Variants in CHN2 observed in about 807,000 individuals in gnomAD.
CHN2 encodes beta-chimaerin.
In CHN2, 35 loss-of-function variants were observed where a neutral mutation model predicts 56.3. The observed-to-expected ratio is 0.62, with a 90% CI of 0.47 to 0.82. CHN2 has a LOEUF of 0.82. Among genes scored for constraint, CHN2 ranks in the 40% least tolerant of loss-of-function variants. The pLI is 0.00. For synonymous variants in CHN2, 210 were observed against 212.8 expected (o/e 0.99, Z 0.12); for missense variants, 491 against 580.5 (o/e 0.85, Z 1.58).
At chr7:29,180,514 C>T (rs1037476486) in intron 2 of CHN2, among the ~76,000 whole-genome samples, 7 of 150,300 alleles carry the variant, frequency 4.7e-5, no homozygotes, top group South Asian at 2.1e-4. Flanking sequence ...AGCGACAGAG[C>T]GACAGAGCAA....
upstream of CHN2, chr7:29,192,985 G>C (rs1783089491): frequency 6.6e-6 from 1 of 152,252 alleles, no homozygotes; most frequent in African/African-American, 2.4e-5. Context: ...CCAAGTGTGT[G>C]ATGGGTCACG....
At position 29,194,860 on chromosome 7, in the gene CHN2, G is replaced by C; in HGVS notation, c.-82G>C. On this transcript the variant is annotated 5_prime_UTR_variant, in exon 1 of 13. Transcript: ENST00000222792. ...TTTGCCATGGGCTGGGGGCCGCGGA[G>C]GCTGCGAGCGGCCGGGCGAGGGCAG... 1.6e-6 allele frequency: 2 copies of C among 1,279,002 alleles called. No homozygotes were observed. Among genetic ancestry groups the C allele is most frequent in the Non-Finnish European group, 2.0e-6 (2 of 994,484 alleles). The allele number at this position is 1,279,002 out of a possible 1,614,324, so 79.2% of individuals were successfully genotyped here.
chr7:29,228,435 G>C (rs1270424196), intron 1 of CHN2, among the ~76,000 whole-genome samples: 1 of 152,146 alleles, frequency 6.6e-6, no homozygotes, highest in Non-Finnish European at 1.5e-5. Flanking sequence ...TCCAGCATAC[G>C]CTGTCTAGGT....
intron 2 of CHN2, among the ~76,000 whole-genome samples, chr7:29,166,542 T>C (rs1383642276): frequency 6.6e-6 from 1 of 152,190 alleles, no homozygotes; most frequent in South Asian, 2.1e-4. Flanking sequence ...ATAACTTTAA[T>C]AGCTATTGAG....
intron 6 of CHN2, among the ~76,000 whole-genome samples, chr7:29,418,487 G>A (rs1804005740): frequency 6.6e-6 from 1 of 152,224 alleles, no homozygotes; most frequent in Non-Finnish European, 1.5e-5. Context: ...ATAGTTAGCT[G>A]AGCCCAGCAA....
At chr7:29,234,216 C>G (rs1362701648) in intron 1 of CHN2, among the ~76,000 whole-genome samples, 7 of 151,928 alleles carry the variant, frequency 4.6e-5, no homozygotes, top group African/African-American at 1.7e-4. Flanking sequence ...TTTAAGCCAC[C>G]AAGTATATGG....
intron 6 of CHN2, among the ~76,000 whole-genome samples, chr7:29,469,644 C>A (rs1785863829): frequency 6.6e-6 from 1 of 152,178 alleles, no homozygotes; most frequent in Admixed American, 6.5e-5. Context: ...CCCGTATTTG[C>A]CCAAATTTCC....
At chr7:29,452,759 A>C (rs1165090490) in intron 6 of CHN2, among the ~76,000 whole-genome samples, 2 of 152,250 alleles carry the variant, frequency 1.3e-5, no homozygotes, top group Non-Finnish European at 2.9e-5. Context: ...AATAGCATGA[A>C]ACATTTTATA....
chr7:29,259,023 TA>T (rs34469755), intron 1 of CHN2, among the ~76,000 whole-genome samples: 62,077 of 142,772 alleles, frequency 0.43, 13,624 homozygotes, highest in East Asian at 0.84. Flanking sequence ...CTATGTAGCT[TA>T]AAAAAAAAAA....
Position 29,482,797 on chromosome 7 carries a change from C to CTTTTTTTTTTTTTTTT in CHN2, c.654+2468_654+2483dup, listed in dbSNP as rs375120538. Among the ~76,000 whole-genome samples the CTTTTTTTTTTTTTTTT allele has an allele frequency of 2.8e-4, 18 of 64,206 alleles. 4 individuals are homozygous for CTTTTTTTTTTTTTTTT. The highest frequency in any genetic ancestry group is 1.1e-3 in the South Asian group (2 of 1,826). 42.1% of individuals were successfully genotyped at this position (64,206 alleles called of 152,430 possible). ...TGCTAGGTGCTGTCTGCACTTTTTT[C>CTTTTTTTTTTTTTTTT]TTTTTTTTTTTTTTTTTTTTTTTTT... On this transcript the variant is annotated intron_variant, in intron 7 of 12. Transcript: ENST00000222792.
At chr7:29,317,351 G>A (rs991572859) in intron 1 of CHN2, among the ~76,000 whole-genome samples, 55 of 152,130 alleles carry the variant, frequency 3.6e-4, no homozygotes, top group African/African-American at 7.7e-4. Context: ...CAACATATGC[G>A]TCAGAATTGG....
chr7:29,247,095 G>A (rs1013739173), intron 1 of CHN2, among the ~76,000 whole-genome samples: 2 of 152,052 alleles, frequency 1.3e-5, no homozygotes, highest in African/African-American at 4.8e-5. Context: ...TGGAAGTGTT[G>A]GCATCTTTGC....
intron 2 of CHN2, among the ~76,000 whole-genome samples, chr7:29,162,394 G>A (rs1795301852): frequency 6.6e-6 from 1 of 152,174 alleles, no homozygotes; most frequent in Non-Finnish European, 1.5e-5. Flanking sequence ...AGGCGTGGTG[G>A]CTCACACCTG....
intron 2 of CHN2, among the ~76,000 whole-genome samples, chr7:29,155,046 G>A (rs1794150358): frequency 6.6e-6 from 1 of 152,130 alleles, no homozygotes; most frequent in South Asian, 2.1e-4. Context: ...AAAACCATCA[G>A]ATCTCGTGAG....
chr7:29,509,204 T>C (rs982936555), intron 11 of CHN2, 97 bp from the exon 12 acceptor site: 178 of 806,770 alleles, frequency 2.2e-4, no homozygotes, highest in Non-Finnish European at 3.3e-4. Context: ...ATTAGAATCC[T>C]TCCCCACTTC....
At chr7:29,440,559 C>T (rs1783561528) in intron 6 of CHN2, among the ~76,000 whole-genome samples, 1 of 151,890 alleles carries the variant, frequency 6.6e-6, no homozygotes, top group South Asian at 2.1e-4. Flanking sequence ...AGCGTGGTGG[C>T]ACATGCCTGT....
chr7:29,461,708 T>C (rs1785171714), intron 6 of CHN2, among the ~76,000 whole-genome samples: 1 of 152,210 alleles, frequency 6.6e-6, no homozygotes, highest in Non-Finnish European at 1.5e-5. Flanking sequence ...GGTTAGGTAT[T>C]ATTTCACTCT....
In CHN2 at chr7:29,472,674, G is replaced by A. The variant is rs549706883; in HGVS notation, c.577-7605G>A. On this transcript the variant is annotated intron_variant, in intron 6 of 12. Transcript: ENST00000222792. ...GGAAGACAGAGAGCTGCTGAAAAAT[G>A]GGCATGTTTTTTTTTTCCTGCAACA... 7.9e-5 allele frequency among the ~76,000 whole-genome samples: 12 copies of A among 151,922 alleles called. No individual in the cohort carries two copies. In the South Asian group the frequency reaches 1.5e-3, roughly 18 times the overall value.
At chr7:29,509,909 C>G (rs1453000411) in intron 12 of CHN2, among the ~76,000 whole-genome samples, 1 of 151,740 alleles carries the variant, frequency 6.6e-6, no homozygotes, top group Non-Finnish European at 1.5e-5. Context: ...TGTGAGATTG[C>G]TGATGCCTGG....
Sources: gnomAD v4.1 joint callset for allele counts (sites outside exome capture counted in the v4.1 genomes callset) on GRCh38, gnomAD v4.1.1 for gene constraint, MANE v1.5 for transcripts, NCBI Gene and HGNC (gene_info 2026-07-23, HGNC 2026-07-21) for gene names.